Variants in ABHD12 observed in about 807,000 individuals in gnomAD.
ABHD12 encodes the protein lysophosphatidylserine lipase ABHD12.
Under a neutral mutation model 58.3 loss-of-function variants are expected in ABHD12, and 43 were observed. The observed-to-expected ratio is 0.74, with a 90% CI of 0.58 to 0.95. The LOEUF (loss-of-function observed/expected upper bound fraction) is 0.95, where lower values mean the gene tolerates loss of function less well. Ranked by LOEUF, ABHD12 falls within the 40% of genes least tolerant of loss-of-function variation. The pLI, the probability that ABHD12 is intolerant of heterozygous loss-of-function variation, is 0.00. For missense variants in ABHD12, 539 were observed against 537.2 expected, an observed-to-expected ratio of 1.00 and a Z score of -0.03; for synonymous variants, 219 against 211.2, an observed-to-expected ratio of 1.04 and a Z score of -0.32.
rs187802861 is a variant in ABHD12, at chr20:25,358,703, G to A, written c.192-19352C>T. Among the ~76,000 whole-genome samples the A allele has an allele frequency of 3.3e-5, 5 of 152,196 alleles. 1 individual carries two copies. The highest frequency in any genetic ancestry group is 1.2e-4 in the African/African-American group (5 of 41,534). ...ATGCAGACCTATGCAGAGTGCATAGGGTGGCACTCCGGGCACACGTGAACT... is the reference window on the plus strand; with the variant it reads ...ATGCAGACCTATGCAGAGTGCATAGAGTGGCACTCCGGGCACACGTGAACT... On this transcript the variant is annotated intron_variant, in intron 1 of 12. Coordinates refer to ENST00000339157, the MANE Select transcript of ABHD12 (RefSeq NM_001042472.3).
At chr20:25,387,031 T>C (rs2090100553) in intron 1 of ABHD12, among the ~76,000 whole-genome samples, 1 of 152,190 alleles carries the variant, frequency 6.6e-6, no homozygotes. Flanking sequence ...TCTATGATCA[T>C]TCCACAGATG....
At chr20:25,295,587 CCTTT>C, downstream of ABHD12, 11 of 1,612,682 alleles carry the variant, frequency 6.8e-6, no homozygotes, top group Non-Finnish European at 9.3e-6. Flanking sequence ...GGCCCAGCCT[CCTTT>C]CTCCCATTCC....
At chr20:25,307,480 C>T (rs1340347090) in intron 9 of ABHD12, among the ~76,000 whole-genome samples, 1 of 152,242 alleles carries the variant, frequency 6.6e-6, no homozygotes, top group Non-Finnish European at 1.5e-5. Flanking sequence ...AGGGAAGGTC[C>T]AAGGTTCCAT....
intron 1 of ABHD12, among the ~76,000 whole-genome samples, chr20:25,361,907 A>G (rs936608187): frequency 2.6e-5 from 4 of 151,894 alleles, no homozygotes; most frequent in South Asian, 2.1e-4. Flanking sequence ...GTGAGCCAAG[A>G]TCCCGCCACT....
Position 25,323,079 on chromosome 20 carries a change from T to A in ABHD12, c.422+246A>T, listed in dbSNP as rs2089109890. Among the ~76,000 whole-genome samples the A allele has an allele frequency of 3.9e-5, 6 of 152,182 alleles. No homozygotes were observed. The South Asian group carries it at 1.2e-3, about 31-fold the overall frequency. On this transcript the variant is annotated intron_variant, in intron 3 of 12. Coordinates refer to ENST00000339157, the MANE Select transcript of ABHD12 (RefSeq NM_001042472.3). ...TTTTCGTTTTTCCTAGAAACAAGTCTCTCTAAAAATAATAATCTGTTCACA... is the reference window on the plus strand; with the variant it reads ...TTTTCGTTTTTCCTAGAAACAAGTCACTCTAAAAATAATAATCTGTTCACA...
intron 1 of ABHD12, among the ~76,000 whole-genome samples, chr20:25,351,944 T>A (rs1390823569): frequency 6.6e-6 from 1 of 152,158 alleles, no homozygotes; most frequent in East Asian, 1.9e-4. Flanking sequence ...ACACACTGTA[T>A]CTAACATGGT....
At chr20:25,315,189 G>A (rs193157665) in intron 5 of ABHD12, among the ~76,000 whole-genome samples, 8 of 152,226 alleles carry the variant, frequency 5.3e-5, no homozygotes, top group Admixed American at 2.6e-4. Flanking sequence ...GCCTGGGAGC[G>A]CAGGAAGGCT....
At chr20:25,343,050 C>A (rs1194586601) in intron 1 of ABHD12, among the ~76,000 whole-genome samples, 1 of 152,212 alleles carries the variant, frequency 6.6e-6, no homozygotes, top group African/African-American at 2.4e-5. Context: ...CTACCTTGGC[C>A]TCCCAAAGTG....
chr20:25,325,318 C>T (rs923679873), intron 2 of ABHD12, among the ~76,000 whole-genome samples: 1 of 152,102 alleles, frequency 6.6e-6, no homozygotes, highest in East Asian at 1.9e-4. Context: ...GAGCCTGGCC[C>T]CTGAGAGGCC....
At chr20:25,316,915 GGA>G (rs1474266920) in intron 5 of ABHD12, 131 bp downstream of exon 5, 12 of 823,866 alleles carry the variant, frequency 1.5e-5, no homozygotes, top group Admixed American at 9.5e-5. Flanking sequence ...CAACAGAGGA[GGA>G]GGACCCTGTC....
rs900106828 is a variant in ABHD12, at chr20:25,309,539, C to T, written c.656G>A (p.Gly219Asp). 22 of 1,614,190 alleles carry T rather than the reference C, an allele frequency of 1.4e-5. No homozygotes were observed. Among genetic ancestry groups the T allele is most frequent in the Non-Finnish European group, 1.7e-5 (20 of 1,180,018 alleles). Residue 219 changes from glycine to aspartate, a missense_variant, in exon 7 of 13, where the codon GGC becomes GAC. Transcript: ENST00000339157. ...AACGTGGAGTGCGTCATAGGTCATG[C>T]CCCGCTCAGATGGCGTTCCCACTGA... ...GDSVGTPSER[G>D]MTYDALHVFD...
intron 6 of ABHD12, among the ~76,000 whole-genome samples, chr20:25,312,788 G>A (rs1170044184): frequency 6.7e-6 from 1 of 150,070 alleles, no homozygotes; most frequent in Non-Finnish European, 1.5e-5. Context: ...CCTCTGCCCC[G>A]CCGCCCCGTC....
At chr20:25,373,244 G>C (rs143604948) in intron 1 of ABHD12, among the ~76,000 whole-genome samples, 1 of 152,204 alleles carries the variant, frequency 6.6e-6, no homozygotes, top group African/African-American at 2.4e-5. Flanking sequence ...TGGCATGACA[G>C]CGTCAAAGAT....
At chr20:25,336,845 G>C (rs2089378981) in intron 2 of ABHD12, among the ~76,000 whole-genome samples, 1 of 152,196 alleles carries the variant, frequency 6.6e-6, no homozygotes, top group African/African-American at 2.4e-5. Flanking sequence ...GGAGAGGCAG[G>C]AGGAGTGGGG....
At chr20:25,297,443 A>ACACACATT (rs2088565897), downstream of ABHD12, 1 of 152,450 alleles carries the variant, frequency 6.6e-6, no homozygotes, top group Non-Finnish European at 1.5e-5. Flanking sequence ...CTGTGTCCTG[A>ACACACATT]GGTGCATTTC....
chr20:25,390,677 G>T lies in ABHD12; in HGVS notation c.27C>A (p.Ala9=). 7.0e-7 allele frequency: 1 copy of T among 1,430,374 alleles called. No individual in the cohort carries two copies. The highest frequency in any genetic ancestry group is 9.1e-7 in the Non-Finnish European group (1 of 1,094,116). The allele number at this position is 1,430,374 out of a possible 1,614,324, so 88.6% of individuals were successfully genotyped here. A position where few individuals can be genotyped will look rare whatever the true frequency, so the allele number is the denominator to read the frequency against. The stretch of plus-strand genomic sequence containing the variant: ...CGGCGGCGCAGCGCTCATGCTCCAA[G>T]GCGACGGGCTCGGTCCGCTTCCTCA... MRKRTEPV[A]LEHERCAAAG... Residue 9 remains alanine (A), a synonymous_variant, in exon 1 of 13, where the codon GCC becomes GCA. Coordinates refer to ENST00000339157, the MANE Select transcript of ABHD12 (RefSeq NM_001042472.3).
rs886056562 is a variant in ABHD12, at chr20:25,300,468, G to A, written c.*377C>T. 2.1e-5 allele frequency: 26 copies of A among 1,226,624 alleles called. No individual in the cohort carries two copies. Among genetic ancestry groups the A allele is most frequent in the Non-Finnish European group, 2.5e-5 (24 of 969,502 alleles). 76.0% of individuals were successfully genotyped at this position (1,226,624 alleles called of 1,614,324 possible). Reference sequence around the variant, plus strand: ...CTGGACCCCACGTTCTCTGTGGGTGGTGCCAAAAAGCTCAGCATGGTCCCG... The same window carrying A: ...CTGGACCCCACGTTCTCTGTGGGTGATGCCAAAAAGCTCAGCATGGTCCCG... On this transcript the variant is annotated 3_prime_UTR_variant, in exon 13 of 13. Transcript: ENST00000339157.
chr20:25,386,386 G>C (rs1280240787), intron 1 of ABHD12, among the ~76,000 whole-genome samples: 1 of 150,332 alleles, frequency 6.7e-6, no homozygotes, highest in East Asian at 2.1e-4. Context: ...AGCCTCCTGA[G>C]TAGCTGGGAC....
intron 4 of ABHD12, among the ~76,000 whole-genome samples, chr20:25,317,675 G>A (rs888429454): frequency 2.1e-4 from 32 of 152,346 alleles, no homozygotes; most frequent in African/African-American, 6.5e-4. Flanking sequence ...CTGAAGTGCC[G>A]GAACGGCTGC....
Sources: allele counts gnomAD v4.1 joint callset (sites outside exome capture counted in the v4.1 genomes callset), GRCh38; gene constraint gnomAD v4.1.1; transcripts MANE v1.5; gene names NCBI Gene and HGNC (gene_info 2026-07-23, HGNC 2026-07-21).